The following ITPRID1 variants were observed in gnomAD, a reference collection of about 807,000 sequenced individuals.
The protein encoded by ITPRID1 is protein ITPRID1.
A neutral mutation model predicts 95.4 loss-of-function variants in ITPRID1; 96 were observed. That is an observed-to-expected ratio of 1.01 (90% CI 0.85 to 1.19). The LOEUF (loss-of-function observed/expected upper bound fraction) is 1.19, where lower values mean the gene tolerates loss of function less well. Among genes scored for constraint, ITPRID1 ranks in the 50% most tolerant of loss-of-function variants. The pLI is 0.00. For missense variants in ITPRID1, 1,339 were observed against 1,252.9 expected (o/e 1.07, Z -1.04); for synonymous variants, 510 against 453.6 (o/e 1.12, Z -1.58).
chr7:31,520,116 T>A (rs539851409), intron 1 of ITPRID1, among the ~76,000 whole-genome samples: 1 of 151,998 alleles, frequency 6.6e-6, no homozygotes, highest in Non-Finnish European at 1.5e-5. Flanking sequence ...TACTGCAGAC[T>A]TTTTTTTCAA....
intron 12 of ITPRID1, among the ~76,000 whole-genome samples, chr7:31,645,424 G>A (rs2128213278): frequency 6.6e-6 from 1 of 152,264 alleles, no homozygotes; most frequent in South Asian, 2.1e-4. Context: ...AGTGAGAGTT[G>A]AACAGGTAAG....
rs979625191 is a variant in ITPRID1, at chr7:31,652,906, C to G, written c.*77C>G. ...TGTAGCAAGGAAATTTCAATTTTCC[C>G]CAAGGAGAAGGGTCTGCCAACCCAT... On this transcript the variant is annotated 3_prime_UTR_variant, in exon 15 of 15. Transcript: ENST00000615280. 2 of 1,546,976 alleles carry G rather than the reference C, an allele frequency of 1.3e-6. No individual in the cohort carries two copies. Among genetic ancestry groups the G allele is most frequent in the Non-Finnish European group, 1.7e-6 (2 of 1,145,950 alleles).
In ITPRID1 at chr7:31,569,744, T is replaced by C; in HGVS notation, c.257-14T>C. 6.4e-7 allele frequency: 1 copy of C among 1,571,010 alleles called. No homozygotes were observed. The highest frequency in any genetic ancestry group is 8.6e-7 in the Non-Finnish European group (1 of 1,156,658). ...ACGAAATAAAGTTCCCCTCTACTTT[T>C]TTTGTTGTTGCAGTTTCTTTGTATG... is the stretch of plus-strand genomic sequence containing the variant. On this transcript the variant is annotated splice_polypyrimidine_tract_variant and intron_variant, in intron 5 of 14. Coordinates refer to ENST00000615280, the MANE Select transcript of ITPRID1 (RefSeq NM_001257967.3).
chr7:31,651,970 G>A lies in ITPRID1; in HGVS notation c.2743G>A (p.Glu915Lys), dbSNP rs1366935880. The A allele has an allele frequency of 1.9e-6, 3 of 1,603,706 alleles. No individual in the cohort carries two copies. Among genetic ancestry groups the A allele is most frequent in the South Asian group, 1.1e-5 (1 of 88,474 alleles). The change falls in exon 14 of 15, where the codon GAG becomes AAG. Residue 915 changes from glutamate (E) to lysine (K), a missense_variant. Transcript: ENST00000615280. ...GGCCGAGCAACTGCAAACGTTACGTGAGGCCCTGAGGCAGCAGGTGGCAGA... is the reference window on the plus strand; with the variant it reads ...GGCCGAGCAACTGCAAACGTTACGTAAGGCCCTGAGGCAGCAGGTGGCAGA... ...EEAEQLQTLR[E>K]ALRQQVAELE...
chr7:31,556,867 C>T (rs921052929), intron 5 of ITPRID1, among the ~76,000 whole-genome samples: 3 of 152,012 alleles, frequency 2.0e-5, no homozygotes, highest in Admixed American at 2.0e-4. Context: ...TGTATTCTCT[C>T]ACAGTTATGG....
chr7:31,623,124 C>A (rs948229070), intron 10 of ITPRID1, among the ~76,000 whole-genome samples: 1 of 152,090 alleles, frequency 6.6e-6, no homozygotes, highest in Non-Finnish European at 1.5e-5. Flanking sequence ...AGCTTACCAA[C>A]CAAAAAGAGT....
At chr7:31,651,457 C>T (rs552227892) in intron 13 of ITPRID1, among the ~76,000 whole-genome samples, 188 bp downstream of exon 13, 95 of 152,068 alleles carry the variant, frequency 6.2e-4, no homozygotes, top group Non-Finnish European at 1.2e-3. Context: ...TGCTAGATAG[C>T]AATACTTATT....
rs994507121 is a variant in ITPRID1 at position 31,655,316 on chromosome 7, C to A, written c.*2487C>A. ...CCCTGCCCCCTCAGTCAGTCAATGA[C>A]CACACCAATGCTGAGTCTACTGCCA... On this transcript the variant is annotated 3_prime_UTR_variant, in exon 15 of 15. Coordinates refer to ENST00000615280, the MANE Select transcript of ITPRID1 (RefSeq NM_001257967.3). 3.3e-5 allele frequency among the ~76,000 whole-genome samples: 5 copies of A among 152,116 alleles called. No individual in the cohort carries two copies. The South Asian group carries it at 8.3e-4, about 25-fold the overall frequency.
intron 3 of ITPRID1, 40 bp downstream of exon 3, chr7:31,553,227 G>A (rs1352565180): frequency 1.3e-6 from 2 of 1,519,832 alleles, no homozygotes; most frequent in Non-Finnish European, 1.8e-6. Flanking sequence ...ACATTCCTCT[G>A]TGAGTGGTGA....
intron 1 of ITPRID1, among the ~76,000 whole-genome samples, chr7:31,519,616 CT>C (rs1783163541): frequency 7.8e-5 from 3 of 38,476 alleles, no homozygotes; most frequent in Non-Finnish European, 1.5e-4. Flanking sequence ...CTCTCTCTCT[CT>C]CTCTATATAT....
At chr7:31,567,726 T>A (rs1452367425) in intron 5 of ITPRID1, among the ~76,000 whole-genome samples, 2 of 152,126 alleles carry the variant, frequency 1.3e-5, no homozygotes, top group Non-Finnish European at 2.9e-5. Context: ...TCACCCTGCC[T>A]GACTCTTATG....
At position 31,642,597 on chromosome 7, in the gene ITPRID1, C is replaced by G. The variant is rs1790123910; in HGVS notation, c.1312-85C>G. ...AACCCTTATCTCCTGACTCCTAAGG[C>G]AATGACAAGAAGAAAATCTCACCTT... On this transcript the variant is annotated intron_variant, in intron 11 of 14. Coordinates refer to ENST00000615280, the MANE Select transcript of ITPRID1 (RefSeq NM_001257967.3). 4 of 1,232,730 alleles carry G rather than the reference C, an allele frequency of 3.2e-6. No individual in the cohort carries two copies. The Admixed American group carries it at 1.0e-4, about 31-fold the overall frequency. 76.4% of individuals were successfully genotyped at this position (1,232,730 alleles called of 1,614,324 possible).
intron 1 of ITPRID1, chr7:31,529,863 C>A: frequency 6.8e-7 from 1 of 1,477,296 alleles, no homozygotes; most frequent in Non-Finnish European, 9.1e-7. Context: ...TCTTTTAATC[C>A]AGCCTGTTGG....
chr7:31,587,037 G>A (rs1219610911), intron 10 of ITPRID1, among the ~76,000 whole-genome samples: 1 of 152,120 alleles, frequency 6.6e-6, no homozygotes, highest in East Asian at 1.9e-4. Flanking sequence ...ATATCATACT[G>A]AATGGGCAAA....
chr7:31,527,735 A>T (rs1783466787), intron 1 of ITPRID1, among the ~76,000 whole-genome samples: 1 of 152,218 alleles, frequency 6.6e-6, no homozygotes. Flanking sequence ...TTCCCAAAAC[A>T]AAAACAACAG....
intron 8 of ITPRID1, among the ~76,000 whole-genome samples, chr7:31,576,845 G>A (rs1343784648): frequency 6.6e-6 from 1 of 152,064 alleles, no homozygotes; most frequent in Admixed American, 6.5e-5. Flanking sequence ...TTAAGAGGAG[G>A]CTGGGTAATA....
chr7:31,554,661 T>C (rs1222829098), intron 4 of ITPRID1, 138 bp downstream of exon 4: 1 of 1,153,916 alleles, frequency 8.7e-7, no homozygotes, highest in Non-Finnish European at 1.2e-6. Flanking sequence ...ATTATTCTAT[T>C]ATTGTAAAAA....
At chr7:31,564,284 G>A (rs1483841522) in intron 5 of ITPRID1, among the ~76,000 whole-genome samples, 1 of 152,052 alleles carries the variant, frequency 6.6e-6, no homozygotes, top group East Asian at 1.9e-4. Context: ...TATCTAAAAG[G>A]GAGTTAAAAC....
At chr7:31,628,091 G>A (rs1788642333) in intron 10 of ITPRID1, among the ~76,000 whole-genome samples, 1 of 152,210 alleles carries the variant, frequency 6.6e-6, no homozygotes, top group South Asian at 2.1e-4. Context: ...GCCTGTGAAA[G>A]TTGGAGCCTG....
Sources: allele counts gnomAD v4.1 joint callset (sites outside exome capture counted in the v4.1 genomes callset), GRCh38; gene constraint gnomAD v4.1.1; transcripts MANE v1.5; gene names NCBI Gene and HGNC (gene_info 2026-07-23, HGNC 2026-07-21).